Variants in C1GALT1 observed in about 807,000 individuals in gnomAD.
C1GALT1 encodes core 1 synthase, glycoprotein-N-acetylgalactosamine 3-beta-galactosyltransferase 1.
In C1GALT1, 11 loss-of-function variants were observed where a neutral mutation model predicts 31.0. The observed-to-expected ratio is 0.36, with a 90% confidence interval of 0.22 to 0.59. The LOEUF is 0.59. C1GALT1 is among the 20% of genes least tolerant of loss of function. C1GALT1 has a pLI of 0.79. For synonymous variants in C1GALT1, 175 were observed against 143.6 expected (o/e 1.22, Z -1.56); for missense variants, 424 against 425.2 (o/e 1.00, Z 0.03).
chr7:7,218,090 G>A (rs1176485484), intron 1 of C1GALT1, among the ~76,000 whole-genome samples: 6 of 152,194 alleles, frequency 3.9e-5, no homozygotes, highest in Non-Finnish European at 2.9e-5. Flanking sequence ...TAGTTTGGCC[G>A]TGGGAGTTAG....
In C1GALT1 at chr7:7,238,357, A is replaced by C. The variant is rs1783461755; in HGVS notation, c.323A>C (p.Lys108Thr). ...QNLEKKAKHV[K>T]ATWAQRCNKV... ...CTAGAGAAAAAGGCCAAACACGTCA[A>C]AGCTACTTGGGCCCAGCGTTGTAAC... The change falls in exon 3 of 4, where the codon AAA becomes ACA. Residue 108 changes from lysine to threonine, a missense_variant. Physicochemically the swap from Lys to Thr is moderately conservative, Grantham distance 78. Around this residue, in one of 3 missense-constraint regions of C1GALT1, gnomAD observed 189 missense variants for 158.2 expected, o/e 1.19. Coordinates refer to ENST00000436587, the MANE Select transcript of C1GALT1 (RefSeq NM_020156.5). This position sits in a 1 kb window ranked among gnomAD's most constrained non-coding sequence, Gnocchi z 5.2. The C allele has an allele frequency of 1.2e-6, 2 of 1,614,062 alleles. No individual in the cohort carries two copies. Among genetic ancestry groups the C allele is most frequent in the African/African-American group, 2.7e-5 (2 of 74,940 alleles).
chr7:7,232,641 C>T (rs1783141987), intron 1 of C1GALT1, among the ~76,000 whole-genome samples: 2 of 152,134 alleles, frequency 1.3e-5, no homozygotes, highest in African/African-American at 2.4e-5. Flanking sequence ...AGGCACGTAC[C>T]ACAACGCCTG....
rs1219163278 is a variant in C1GALT1, at chr7:7,245,122, G to A, written c.*1395G>A. 1 of 152,216 alleles carries A rather than the reference G, an allele frequency of 6.6e-6. No homozygotes were observed. The highest frequency in any genetic ancestry group is 6.5e-5 in the Admixed American group (1 of 15,284). The allele number at this position is 152,216 out of a possible 1,614,324, so 9.4% of individuals were successfully genotyped here. A position where few individuals can be genotyped will look rare whatever the true frequency, so the allele number is the denominator to read the frequency against. ...GCAGAATATTTTACAGACTTTCTAT[G>A]AGATTATTTTTATGGTACAAAGTAT... On this transcript the variant is annotated 3_prime_UTR_variant, in exon 4 of 4. Transcript: ENST00000436587.
At chr7:7,168,231 A>G (rs958880996) in intron 2 of C1GALT1, among the ~76,000 whole-genome samples, 2 of 152,244 alleles carry the variant, frequency 1.3e-5, no homozygotes, top group Admixed American at 6.5e-5. Flanking sequence ...TGCTGAGGCA[A>G]GTGCTGAAGA....
intron 3 of C1GALT1, 159 bp downstream of exon 3, chr7:7,239,081 G>C (rs1265972341): frequency 6.4e-6 from 4 of 625,008 alleles, no homozygotes; most frequent in Non-Finnish European, 1.1e-5. Context: ...GATGAGAACA[G>C]GGACATCAGC....
rs1184719549 is a variant in C1GALT1, at chr7:7,239,932, G to A, written c.888+1010G>A. 2.6e-5 allele frequency among the ~76,000 whole-genome samples: 4 copies of A among 152,302 alleles called. No homozygotes were observed. The East Asian group carries it at 7.7e-4, about 29-fold the overall frequency. ...TCACTATTATAAGCATTGCTTCAGT[G>A]AATAACTGAATGAGACCAGGAATCA... is the stretch of plus-strand genomic sequence containing the variant. On this transcript the variant is annotated intron_variant, in intron 3 of 3. Coordinates refer to ENST00000436587, the MANE Select transcript of C1GALT1 (RefSeq NM_020156.5).
chr7:7,181,502 G>T (rs1780587346), upstream of C1GALT1, among the ~76,000 whole-genome samples: 1 of 152,164 alleles, frequency 6.6e-6, no homozygotes, highest in Non-Finnish European at 1.5e-5. Context: ...TGTGCTTTAT[G>T]TTTCACAATT....
At chr7:7,240,133 C>T (rs1466519084) in intron 3 of C1GALT1, among the ~76,000 whole-genome samples, 1 of 152,218 alleles carries the variant, frequency 6.6e-6, no homozygotes, top group Non-Finnish European at 1.5e-5. Flanking sequence ...ATTCTCAACC[C>T]AGGGCAATTT....
intron 1 of C1GALT1, among the ~76,000 whole-genome samples, chr7:7,233,349 C>T (rs55675354): frequency 0.013 from 2,030 of 152,200 alleles, 28 homozygotes; most frequent in Non-Finnish European, 0.021. Context: ...CTGCAACCTC[C>T]GCCTTCTGAG....
intron 1 of C1GALT1, among the ~76,000 whole-genome samples, chr7:7,223,204 G>T (rs1267736511): frequency 6.6e-6 from 1 of 152,176 alleles, no homozygotes; most frequent in Non-Finnish European, 1.5e-5. Context: ...TGTCACCCAG[G>T]CTGGAGTACA....
intron 2 of C1GALT1, among the ~76,000 whole-genome samples, chr7:7,163,912 A>G (rs1328162175): frequency 6.6e-6 from 1 of 151,872 alleles, no homozygotes; most frequent in African/African-American, 2.4e-5. Context: ...TATAGATTCA[A>G]TGCCATCCCC....
At chr7:7,177,928 G>A (rs975636200), upstream of C1GALT1, 2 of 186,280 alleles carry the variant, frequency 1.1e-5, no homozygotes, top group African/African-American at 4.7e-5. Flanking sequence ...AGATTCAGAA[G>A]GGTTAGGTGA....
At chr7:7,195,909 T>C (rs979092537) in intron 1 of C1GALT1, among the ~76,000 whole-genome samples, 1 of 152,178 alleles carries the variant, frequency 6.6e-6, no homozygotes, top group Admixed American at 6.5e-5. Context: ...CAAGGCCTTT[T>C]GTCATGATAT....
Position 7,234,451 on chromosome 7 carries a change from T to C in C1GALT1, c.132T>C (p.Asn44=). Residue 44 remains asparagine, a synonymous_variant, in exon 2 of 4, where the codon AAT becomes AAC. Transcript: ENST00000436587. ...ACACCCAGCCTAATGTTCTTCATAA[T>C]GATCCTCATGCAAGGCATTCAGATG... ...KVDTQPNVLH[N]DPHARHSDDN... 6.2e-7 allele frequency: 1 copy of C among 1,614,000 alleles called. No individual in the cohort carries two copies. The highest frequency in any genetic ancestry group is 2.2e-5 in the East Asian group (1 of 44,832).
At chr7:7,240,474 T>A (rs1329089184) in intron 3 of C1GALT1, among the ~76,000 whole-genome samples, 1 of 152,168 alleles carries the variant, frequency 6.6e-6, no homozygotes, top group Non-Finnish European at 1.5e-5. Flanking sequence ...TTAATATATT[T>A]TGACCATTCC....
chr7:7,224,465 CAGGGGCG>C (rs1782661482), intron 1 of C1GALT1, among the ~76,000 whole-genome samples: 3 of 138,192 alleles, frequency 2.2e-5, no homozygotes, highest in African/African-American at 8.1e-5. Flanking sequence ...TTGTGGGGGT[CAGGGGCG>C]GGGGGTGAGG....
intron 1 of C1GALT1, among the ~76,000 whole-genome samples, chr7:7,208,465 A>G (rs1406996627): frequency 6.6e-6 from 1 of 152,112 alleles, no homozygotes; most frequent in East Asian, 1.9e-4. Context: ...AAGGGGGACT[A>G]CTATAGTGAA....
At chr7:7,183,523 C>T in intron 1 of C1GALT1, 1 of 970,552 alleles carries the variant, frequency 1.0e-6, no homozygotes, top group Non-Finnish European at 1.2e-6. Context: ...TGCTTCTGCA[C>T]CCCATTTTTC....
Position 7,175,586 on chromosome 7 carries a change from C to T in C1GALT1, c.-18+18160C>T, listed in dbSNP as rs145827237. Reference sequence around the variant, plus strand: ...TGTCTAGGGTTATTACTTCAGTTTGCTGTGTTTTCCAGCTTTTTCTGCCCT... The same window carrying T: ...TGTCTAGGGTTATTACTTCAGTTTGTTGTGTTTTCCAGCTTTTTCTGCCCT... On this transcript the variant is annotated intron_variant, in intron 2 of 3. Coordinates refer to the C1GALT1 transcript ENST00000429911. 8.7e-4 allele frequency among the ~76,000 whole-genome samples: 132 copies of T among 152,314 alleles called. 2 individuals are homozygous for T. Among genetic ancestry groups the T allele is most frequent in the Admixed American group, 6.9e-3 (105 of 15,298 alleles).
Sources: gnomAD v4.1 joint callset for allele counts (sites outside exome capture counted in the v4.1 genomes callset) on GRCh38, gnomAD v4.1.1 for gene constraint, gnomAD v4.1.1 regional missense constraint, Gnocchi (gnomAD v3.1) non-coding constraint, MANE v1.5 for transcripts, NCBI Gene and HGNC (gene_info 2026-07-23, HGNC 2026-07-21) for gene names.